The following WDPCP variants were observed in gnomAD, a reference collection of about 807,000 sequenced individuals.
WDPCP encodes the protein WD repeat-containing and planar cell polarity effector protein fritz homolog.
Under a neutral mutation model 93.1 loss-of-function variants are expected in WDPCP, and 71 were observed. That is an observed-to-expected ratio of 0.76 (90% CI 0.63 to 0.93). WDPCP has a LOEUF of 0.93. Among genes scored for constraint, WDPCP ranks in the 40% least tolerant of loss-of-function variants. The probability of loss-of-function intolerance (pLI) is 0.00; values close to 1 mark genes in which losing one functional copy is unlikely to be tolerated. For missense variants in WDPCP, 844 were observed against 887.4 expected (o/e 0.95, Z 0.62); for synonymous variants, 315 against 315.0 (o/e 1.00, Z 0.00).
chr2:63,677,311 C>G (rs1334757539), intron 2 of WDPCP, among the ~76,000 whole-genome samples: 1 of 152,104 alleles, frequency 6.6e-6, no homozygotes, highest in Non-Finnish European at 1.5e-5. Flanking sequence ...GTTTTTCATA[C>G]TCAATATACA....
At chr2:63,552,405 T>C (rs1550860) in intron 1 of WDPCP, among the ~76,000 whole-genome samples, 119,368 of 152,010 alleles carry the variant, frequency 0.79, 47,273 homozygotes, top group East Asian at 0.98. Flanking sequence ...TATTCTCATA[T>C]TAAGTAACAA....
At chr2:63,819,687 T>C (rs1006601584) in intron 1 of WDPCP, among the ~76,000 whole-genome samples, 1 of 152,336 alleles carries the variant, frequency 6.6e-6, no homozygotes, top group South Asian at 2.1e-4. Flanking sequence ...CTAGAACCTC[T>C]ATTCTAGCCC....
intron 12 of WDPCP, among the ~76,000 whole-genome samples, chr2:63,375,709 C>A (rs1691800584): frequency 6.6e-6 from 1 of 151,876 alleles, no homozygotes; most frequent in Admixed American, 6.6e-5. Context: ...GTATATAAAA[C>A]ATTTATTTTA....
At chr2:63,198,213 C>T (rs1675603930) in intron 14 of WDPCP, among the ~76,000 whole-genome samples, 2 of 152,134 alleles carry the variant, frequency 1.3e-5, no homozygotes, top group South Asian at 4.1e-4. Context: ...ATCTTTTCTC[C>T]ACTGATTTGA....
chr2:63,838,211 T>A, the WDPCP span, among the ~76,000 whole-genome samples: 2 of 152,278 alleles, frequency 1.3e-5, no homozygotes, highest in South Asian at 2.1e-4. Flanking sequence ...TACCAGACAC[T>A]GTGCCAAGCA....
intron 3 of WDPCP, among the ~76,000 whole-genome samples, chr2:63,603,642 T>C (rs1474359710): frequency 6.7e-6 from 1 of 150,228 alleles, no homozygotes; most frequent in African/African-American, 2.4e-5. Flanking sequence ...TATTTAAATC[T>C]ACCAAGACAT....
At chr2:63,329,853 G>A (rs935443959) in intron 12 of WDPCP, among the ~76,000 whole-genome samples, 3 of 151,964 alleles carry the variant, frequency 2.0e-5, no homozygotes, top group Non-Finnish European at 4.4e-5. Context: ...GAGTCTTTTT[G>A]TGTCTGGCTT....
At chr2:63,473,355 CCT>C (rs1699795284) in intron 6 of WDPCP, among the ~76,000 whole-genome samples, 1 of 152,126 alleles carries the variant, frequency 6.6e-6, no homozygotes, top group Non-Finnish European at 1.5e-5. Context: ...AGTCTAGCCA[CCT>C]CATGTTTACT....
chr2:63,191,972 T>G lies in WDPCP; in HGVS notation c.1916-17140A>C, dbSNP rs556008534. On this transcript the variant is annotated intron_variant, in intron 14 of 17. Coordinates refer to ENST00000272321, the MANE Select transcript of WDPCP (RefSeq NM_015910.7). ...TTGAGTAGTTGAGATAGAGGCCATA[T>G]GACTTGAGAAGCCTAAACTAGTTAC... Among the ~76,000 whole-genome samples the G allele has an allele frequency of 1.6e-4, 25 of 152,334 alleles. No individual in the cohort carries two copies. The South Asian group carries it at 3.3e-3, about 20-fold the overall frequency.
chr2:63,262,808 A>C (rs976484064), intron 13 of WDPCP, among the ~76,000 whole-genome samples: 11 of 152,336 alleles, frequency 7.2e-5, no homozygotes, highest in Non-Finnish European at 1.6e-4. Context: ...AAAATAAAAA[A>C]GATCATGTTT....
intron 3 of WDPCP, among the ~76,000 whole-genome samples, chr2:63,615,849 T>C (rs1172936545): frequency 9.9e-5 from 15 of 152,240 alleles, no homozygotes; most frequent in Admixed American, 9.8e-4. Context: ...GCTTCTTCTC[T>C]TACTTTGTGG....
At chr2:63,823,207 A>C (rs577112035) in intron 1 of WDPCP, among the ~76,000 whole-genome samples, 23 of 151,594 alleles carry the variant, frequency 1.5e-4, no homozygotes, top group African/African-American at 4.6e-4. Flanking sequence ...CCCAAAAAAA[A>C]AAAAAAACAA....
chr2:63,220,631 G>A (rs1677734397), intron 14 of WDPCP, among the ~76,000 whole-genome samples: 1 of 152,070 alleles, frequency 6.6e-6, no homozygotes, highest in Admixed American at 6.5e-5. Flanking sequence ...CAAAATGCAG[G>A]TATGGAAGTT....
chr2:63,295,880 C>CAAAAAAAAAA (rs59418675), intron 13 of WDPCP, among the ~76,000 whole-genome samples: 1 of 115,254 alleles, frequency 8.7e-6, no homozygotes, highest in Non-Finnish European at 1.8e-5. Flanking sequence ...GAAACTATTC[C>CAAAAAAAAAA]AAAAAAAAAA....
chr2:63,332,948 C>T (rs1030348698), intron 12 of WDPCP, among the ~76,000 whole-genome samples: 3 of 152,076 alleles, frequency 2.0e-5, no homozygotes, highest in African/African-American at 7.2e-5. Flanking sequence ...ATATCAAAAT[C>T]ATTAATGTTA....
intron 9 of WDPCP, among the ~76,000 whole-genome samples, chr2:63,417,743 TATATTA>T (rs1014203405): frequency 1.4e-5 from 2 of 148,086 alleles, no homozygotes; most frequent in Admixed American, 1.4e-4. Context: ...TATATTAAAT[TATATTA>T]ATATTAATAT....
chr2:63,796,206 T>C (rs1182689244), intron 2 of WDPCP, among the ~76,000 whole-genome samples: 1 of 152,214 alleles, frequency 6.6e-6, no homozygotes, highest in Non-Finnish European at 1.5e-5. Context: ...AGCCTTATAC[T>C]AAGTACGAAG....
intron 14 of WDPCP, among the ~76,000 whole-genome samples, chr2:63,258,451 A>G (rs540140563): frequency 6.6e-6 from 1 of 152,306 alleles, no homozygotes; most frequent in South Asian, 2.1e-4. Flanking sequence ...GAAGCTGACA[A>G]TTGGTCCCTT....
At chr2:63,765,560 G>T (rs950965587) in intron 2 of WDPCP, among the ~76,000 whole-genome samples, 1 of 152,190 alleles carries the variant, frequency 6.6e-6, no homozygotes, top group Admixed American at 6.5e-5. Flanking sequence ...CAGGTGTCTG[G>T]TTACCCCTCT....
Sources: gnomAD v4.1 joint callset for allele counts (sites outside exome capture counted in the v4.1 genomes callset) on GRCh38, gnomAD v4.1.1 for gene constraint, MANE v1.5 for transcripts, NCBI Gene and HGNC (gene_info 2026-07-23, HGNC 2026-07-21) for gene names.